CELSR3: variants seen among roughly 807,000 people sequenced by gnomAD.
CELSR3 encodes the protein EGF-like protein 1.
In CELSR3, 73 loss-of-function variants were observed where a neutral mutation model predicts 270.0. The observed-to-expected ratio is 0.27, with a 90% CI of 0.22 to 0.33. CELSR3 has a LOEUF of 0.33. CELSR3 is among the 10% of genes least tolerant of loss of function. CELSR3 has a pLI of 1.00. For synonymous variants in CELSR3, 1,780 were observed against 1,905.4 expected, an observed-to-expected ratio of 0.93 and a Z score of 1.71; for missense variants, 3,614 against 4,533.8, an observed-to-expected ratio of 0.80 and a Z score of 5.83.
rs369300693 is a variant in CELSR3 at position 48,660,018 on chromosome 3, T to A, written c.2617A>T (p.Met873Leu). ...CTGATGACCACTATGGTGCTACCCA[T>A]TGGCCGATCTTCATTCACACTCACT... is the stretch of plus-strand genomic sequence containing the variant. ...YSVSVNEDRPMGSTIVVISAS... is the reference protein window; with the variant it reads ...YSVSVNEDRPLGSTIVVISAS... The change falls in exon 1 of 35, where the codon ATG becomes TTG. Residue 873 changes from methionine (M) to leucine (L), a missense_variant. Met to Leu is a conservative substitution (Grantham distance 15). This residue lies in a region of CELSR3 where 215 missense variants were observed against 241.2 expected (regional missense o/e 0.89). Transcript: ENST00000164024. This position sits in a 1 kb window ranked among gnomAD's most constrained non-coding sequence, Gnocchi z 5.5. 33 of 1,614,088 alleles carry A rather than the reference T, an allele frequency of 2.0e-5. No homozygotes were observed. The highest frequency in any genetic ancestry group is 2.4e-5 in the Non-Finnish European group (28 of 1,180,052).
intron 34 of CELSR3, among the ~76,000 whole-genome samples, 173 bp from the exon 35 acceptor site, chr3:48,638,405 C>T (rs944567497): frequency 2.6e-5 from 4 of 152,142 alleles, no homozygotes; most frequent in Non-Finnish European, 5.9e-5. Context: ...TCCTCCATTC[C>T]GCGCCCCTAG....
chr3:48,652,653 G>GC lies in CELSR3; in HGVS notation c.5635-101dup. The GC allele has an allele frequency of 1.1e-6, 1 of 891,372 alleles. No individual in the cohort carries two copies. Among genetic ancestry groups the GC allele is most frequent in the South Asian group, 1.7e-5 (1 of 58,916 alleles). The allele number at this position is 891,372 out of a possible 1,614,324, so 55.2% of individuals were successfully genotyped here. ...GGCCTTCTTCTAGCCCTTCTAGGCT[G>GC]CCCCCTCCCTCCTGGACCCACAGTA... On this transcript the variant is annotated intron_variant, in intron 10 of 34. Transcript: ENST00000164024. This position sits in a 1 kb window ranked among gnomAD's most constrained non-coding sequence, Gnocchi z 4.3.
chr3:48,640,322 G>T lies in CELSR3; in HGVS notation c.9263C>A (p.Ala3088Asp). The change falls in exon 34 of 35, where the codon GCC becomes GAC. Residue 3088 changes from alanine (A) to aspartate (D), a missense_variant. By Grantham distance (126) the Ala-to-Asp change is moderately radical (BLOSUM62 -2). This residue lies in a region of CELSR3 where 1,240 missense variants were observed against 1,351.7 expected (regional missense o/e 0.92). Coordinates refer to ENST00000164024, the MANE Select transcript of CELSR3 (RefSeq NM_001407.3). This position sits in a 1 kb window ranked among gnomAD's most constrained non-coding sequence, Gnocchi z 7.5. ...RQLSRERLEE[A>D]PAPVLRPLSR... is the part of the protein sequence containing the mutation. The stretch of plus-strand genomic sequence containing the variant: ...CAGGGGACGTAGAACAGGGGCAGGG[G>T]CTTCCTCTAGTCGCTCACGGCTCAG... 6.2e-7 allele frequency: 1 copy of T among 1,612,780 alleles called. No individual in the cohort carries two copies. Among genetic ancestry groups the T allele is most frequent in the Non-Finnish European group, 8.5e-7 (1 of 1,179,922 alleles).
Position 48,650,870 on chromosome 3 carries a change from G to C in CELSR3, c.6370+22C>G. On this transcript the variant is annotated intron_variant, in intron 15 of 34. Transcript: ENST00000164024. The surrounding 1 kb of genome is among the most constrained non-coding windows in gnomAD (Gnocchi z 5.1). The stretch of plus-strand genomic sequence containing the variant: ...CACTGGAACCAGCCCTCTATGGGTG[G>C]AGCTGGGTGGAGCCTGCTCACCCCG... 2 of 1,606,296 alleles carry C rather than the reference G, an allele frequency of 1.2e-6. No individual in the cohort carries two copies. Among genetic ancestry groups the C allele is most frequent in the Non-Finnish European group, 1.7e-6 (2 of 1,177,568 alleles).
rs1052193236 is a variant in CELSR3, at chr3:48,655,965, G to C, written c.4626-114C>G. On this transcript the variant is annotated intron_variant, in intron 3 of 34. Transcript: ENST00000164024. This position sits in a 1 kb window ranked among gnomAD's most constrained non-coding sequence, Gnocchi z 5.8. ...TGGGGCGAGAGAGGAAGCGACGAGG[G>C]ACGGCGGGACCGACCGGGGGGACGC... 1.8e-6 allele frequency: 2 copies of C among 1,142,778 alleles called. No individual in the cohort carries two copies. The highest frequency in any genetic ancestry group is 3.1e-5 in the African/African-American group (2 of 65,326). The allele number at this position is 1,142,778 out of a possible 1,614,324, so 70.8% of individuals were successfully genotyped here. A position where few individuals can be genotyped will look rare whatever the true frequency, so the allele number is the denominator to read the frequency against.
chr3:48,658,897 C>T lies in CELSR3; in HGVS notation c.3738G>A (p.Val1246=). ...NNRPLVASML[V]TVTDGLHSVT... ...CCCCCTGCCCCTCACCTGTGACAGTCACCAACATGGAGGCCACCAGTGGGC... is the reference window on the plus strand; with the variant it reads ...CCCCCTGCCCCTCACCTGTGACAGTTACCAACATGGAGGCCACCAGTGGGC... Residue 1246 remains valine, a synonymous_variant, in exon 1 of 35, where the codon GTG becomes GTA. Coordinates refer to ENST00000164024, the MANE Select transcript of CELSR3 (RefSeq NM_001407.3). The surrounding 1 kb of genome is among the most constrained non-coding windows in gnomAD (Gnocchi z 4.7). The T allele has an allele frequency of 6.2e-7, 1 of 1,613,192 alleles. No homozygotes were observed. The highest frequency in any genetic ancestry group is 8.5e-7 in the Non-Finnish European group (1 of 1,179,182).
chr3:48,642,735 C>A lies in CELSR3; in HGVS notation c.8555+1G>T. The A allele has an allele frequency of 6.2e-7, 1 of 1,609,486 alleles. No individual in the cohort carries two copies. Among genetic ancestry groups the A allele is most frequent in the Non-Finnish European group, 8.5e-7 (1 of 1,179,546 alleles). ...CCTCACAAGGAGGCTCTTCCTCTCA[C>A]CTGAGGTAGCTGCGGCCCCGCTGGC... On this transcript the variant is annotated splice_donor_variant, in intron 30 of 34. Coordinates refer to ENST00000164024, the MANE Select transcript of CELSR3 (RefSeq NM_001407.3). LOFTEE classifies it high-confidence loss of function. The surrounding 1 kb of genome is among the most constrained non-coding windows in gnomAD (Gnocchi z 6.1).
chr3:48,661,822 C>T lies in CELSR3; in HGVS notation c.813G>A (p.Pro271=). The T allele has an allele frequency of 6.2e-7, 1 of 1,609,344 alleles. No individual in the cohort carries two copies. The highest frequency in any genetic ancestry group is 8.5e-7 in the Non-Finnish European group (1 of 1,179,466). ...CCCGGGAGCGCATGCGCTTGGGCGC[C>T]GGCTCGGGAGCTGTCCGAGACTCGC... ...APRESRTAPE[P]APKRMRSRGL... is the part of the protein sequence containing the mutation. Residue 271 remains proline, a synonymous_variant, in exon 1 of 35, where the codon CCG becomes CCA. Transcript: ENST00000164024.
intron 27 of CELSR3, 113 bp from the exon 28 acceptor site, chr3:48,643,790 C>A (rs762993144): frequency 1.2e-4 from 153 of 1,289,740 alleles, no homozygotes; most frequent in Non-Finnish European, 1.5e-4. Context: ...AAAAAAGGAA[C>A]TCACACGGGA....
Position 48,651,878 on chromosome 3 carries a change from T to A in CELSR3, c.5922A>T (p.Pro1974=), listed in dbSNP as rs918631836. ...LWQTFSCTCQ[P]GYYGPGCVDA... ...TCCCCCAACCCTCTCAAGGCTCACC[T>A]GGCTGGCAGGTGCAAGAAAAGGTCT... is the stretch of plus-strand genomic sequence containing the variant. The change falls in exon 12 of 35, where the codon CCA becomes CCT. Residue 1974 remains proline, a splice_region_variant and synonymous_variant. Transcript: ENST00000164024. This position sits in a 1 kb window ranked among gnomAD's most constrained non-coding sequence, Gnocchi z 7.4. The A allele has an allele frequency of 1.2e-6, 2 of 1,609,608 alleles. No individual in the cohort carries two copies. Among genetic ancestry groups the A allele is most frequent in the African/African-American group, 2.7e-5 (2 of 74,916 alleles).
rs527562415 is a variant in CELSR3 at position 48,651,320 on chromosome 3, C to T, written c.6186+39G>A. The T allele has an allele frequency of 3.0e-5, 49 of 1,609,254 alleles. No homozygotes were observed. The highest frequency in any genetic ancestry group is 5.5e-5 in the South Asian group (5 of 90,792). Reference sequence around the variant, plus strand: ...CAAGCTGGACAGGAATTGCAGATTGCGTCCAAGGAAGGGTTAAAAGGTCAG... The same window carrying T: ...CAAGCTGGACAGGAATTGCAGATTGTGTCCAAGGAAGGGTTAAAAGGTCAG... On this transcript the variant is annotated intron_variant, in intron 14 of 34. Transcript: ENST00000164024. This position sits in a 1 kb window ranked among gnomAD's most constrained non-coding sequence, Gnocchi z 7.4.
chr3:48,660,454 C>G lies in CELSR3; in HGVS notation c.2181G>C (p.Glu727Asp). The G allele has an allele frequency of 6.2e-7, 1 of 1,614,134 alleles. No individual in the cohort carries two copies. The highest frequency in any genetic ancestry group is 8.5e-7 in the Non-Finnish European group (1 of 1,180,042). The part of the protein sequence containing the change: ...ESVEHYFFGV[E>D]ARDHGSPPLS... ...GTGGGGGTGAGCCATGGTCTCGAGC[C>G]TCCACACCAAAGAAGTAATGCTCCA... is the stretch of plus-strand genomic sequence containing the variant. Residue 727 changes from glutamate to aspartate, a missense_variant, in exon 1 of 35, where the codon GAG becomes GAC. This residue lies in a region of CELSR3 where 215 missense variants were observed against 241.2 expected (regional missense o/e 0.89). Transcript: ENST00000164024. This position sits in a 1 kb window ranked among gnomAD's most constrained non-coding sequence, Gnocchi z 5.5.
In CELSR3 at chr3:48,643,002, C is replaced by G; in HGVS notation, c.8371G>C (p.Ala2791Pro). The change falls in exon 29 of 35, where the codon GCA (alanine) becomes CCA (proline). Residue 2791 changes from alanine (A) to proline (P), a missense_variant. By Grantham distance (27) the Ala-to-Pro change is conservative (BLOSUM62 -1). Coordinates refer to ENST00000164024, the MANE Select transcript of CELSR3 (RefSeq NM_001407.3). Reference protein sequence around the residue: ...AWMPACLGRKAAPEEARPAPG... With the variant: ...AWMPACLGRKPAPEEARPAPG... The stretch of plus-strand genomic sequence containing the variant: ...GCTGGCCTTGCCTCCTCAGGCGCTG[C>G]CTTCCTGCCCAGACAGGCTGGCATC... The G allele has an allele frequency of 6.2e-7, 1 of 1,612,758 alleles. No homozygotes were observed.
intron 27 of CELSR3, 158 bp from the exon 28 acceptor site, chr3:48,643,835 G>T (rs1001584492): frequency 2.2e-5 from 18 of 811,096 alleles, no homozygotes; most frequent in Non-Finnish European, 3.4e-5. Context: ...GGGGGAGATG[G>T]GAGGTCCCAC....
rs1341534138 is a variant in CELSR3, at chr3:48,660,572, T to TA, written c.2062dup (p.Tyr688LeufsTer9). The TA allele has an allele frequency of 6.2e-7, 1 of 1,614,098 alleles. No individual in the cohort carries two copies. The highest frequency in any genetic ancestry group is 8.5e-7 in the Non-Finnish European group (1 of 1,180,022). On this transcript the variant is annotated frameshift_variant, in exon 1 of 35. Transcript: ENST00000164024. LOFTEE classifies it high-confidence loss of function. This position sits in a 1 kb window ranked among gnomAD's most constrained non-coding sequence, Gnocchi z 5.5. ...ATCAGGTGCCACACCAGTTAGGGAG[T>TA]ACTCCAATCTGGCATTCTCCCCATG...
In CELSR3 at chr3:48,642,280, C is replaced by G; in HGVS notation, c.8665+78G>C. On this transcript the variant is annotated intron_variant, in intron 31 of 34. Coordinates refer to ENST00000164024, the MANE Select transcript of CELSR3 (RefSeq NM_001407.3). The surrounding 1 kb of genome is among the most constrained non-coding windows in gnomAD (Gnocchi z 6.1). ...CGTCCCACCCCAGTCAGCCACTGCT[C>G]CCAGTATGGGGTAGAAGAAAAGGGG... is the stretch of plus-strand genomic sequence containing the variant. The G allele has an allele frequency of 6.8e-7, 1 of 1,464,840 alleles. No homozygotes were observed. The highest frequency in any genetic ancestry group is 1.3e-5 in the South Asian group (1 of 76,148). The allele number at this position is 1,464,840 out of a possible 1,614,324, so 90.7% of individuals were successfully genotyped here. A position where few individuals can be genotyped will look rare whatever the true frequency, so the allele number is the denominator to read the frequency against.
chr3:48,645,062 C>A lies in CELSR3; in HGVS notation c.7945G>T (p.Gly2649Cys), dbSNP rs753592352. The change falls in exon 25 of 35, where the codon GGC becomes TGC. Residue 2649 changes from glycine to cysteine, a missense_variant. Physicochemically the swap from Gly to Cys is radical, Grantham distance 159. This residue lies in a region of CELSR3 where 1,240 missense variants were observed against 1,351.7 expected (regional missense o/e 0.92). Transcript: ENST00000164024. The surrounding 1 kb of genome is among the most constrained non-coding windows in gnomAD (Gnocchi z 5.4). ...RGAMRFYHAL[G>C]WGVPAVLLGL... ...AGCAGCACAGCAGGGACGCCCCAGCCCAGGGCATGGTAGAAGCGCATGGCG... is the reference window on the plus strand; with the variant it reads ...AGCAGCACAGCAGGGACGCCCCAGCACAGGGCATGGTAGAAGCGCATGGCG... The A allele has an allele frequency of 6.3e-7, 1 of 1,594,634 alleles. No individual in the cohort carries two copies. The highest frequency in any genetic ancestry group is 8.6e-7 in the Non-Finnish European group (1 of 1,166,518).
At position 48,639,673 on chromosome 3, in the gene CELSR3, C is replaced by T. The variant is rs754733471; in HGVS notation, c.9911+1G>A. The T allele has an allele frequency of 5.0e-6, 8 of 1,613,122 alleles. No homozygotes were observed. Among genetic ancestry groups the T allele is most frequent in the Non-Finnish European group, 6.8e-6 (8 of 1,179,850 alleles). The stretch of plus-strand genomic sequence containing the variant: ...CAAGCAGGTGGCTGGACCATACTTA[C>T]TCTGAGTCTGGCGACAGCTCCGAGA... On this transcript the variant is annotated splice_donor_variant, in intron 34 of 34. Coordinates refer to ENST00000164024, the MANE Select transcript of CELSR3 (RefSeq NM_001407.3). LOFTEE classifies it high-confidence loss of function. The surrounding 1 kb of genome is among the most constrained non-coding windows in gnomAD (Gnocchi z 4.1).
rs1293906862 is a variant in CELSR3 at position 48,639,887 on chromosome 3, C to T, written c.9698G>A (p.Gly3233Asp). 9.9e-6 allele frequency: 16 copies of T among 1,613,164 alleles called. No individual in the cohort carries two copies. Among genetic ancestry groups the T allele is most frequent in the Non-Finnish European group, 1.4e-5 (16 of 1,180,006 alleles). ...TTCTGTGGAGGGGCCATGGCTGGGG[C>T]CACTGACCGAGTCCTCCCTAGCTCT... ...LLRAREDSVS[G>D]PSHGPSTEQL... The change falls in exon 34 of 35, where the codon GGC becomes GAC. Residue 3233 changes from glycine to aspartate, a missense_variant. By Grantham distance (94) the Gly-to-Asp change is moderately conservative. Transcript: ENST00000164024. The surrounding 1 kb of genome is among the most constrained non-coding windows in gnomAD (Gnocchi z 4.1).
Sources: gnomAD v4.1 joint callset for allele counts (sites outside exome capture counted in the v4.1 genomes callset) on GRCh38, gnomAD v4.1.1 for gene constraint, gnomAD v4.1.1 regional missense constraint, Gnocchi (gnomAD v3.1) non-coding constraint, MANE v1.5 for transcripts, NCBI Gene and HGNC (gene_info 2026-07-23, HGNC 2026-07-21) for gene names.